DACH2: variants seen among roughly 807,000 people sequenced by gnomAD.
The protein encoded by DACH2 is dachshund family transcription factor 2, also known as dachshund homolog 2.
A neutral mutation model predicts 35.8 loss-of-function variants in DACH2; 17 were observed. The observed-to-expected ratio is 0.48, with a 90% confidence interval of 0.33 to 0.71. The LOEUF is 0.71. Among genes scored for constraint, DACH2 ranks in the 30% least tolerant of loss-of-function variants. The probability of loss-of-function intolerance (pLI) is 0.02; values close to 1 mark genes in which losing one functional copy is unlikely to be tolerated. For synonymous variants in DACH2, 195 were observed against 177.3 expected, an observed-to-expected ratio of 1.10 and a Z score of -0.79; for missense variants, 469 against 472.7, an observed-to-expected ratio of 0.99 and a Z score of 0.07.
At chrX:86,437,043 A>G (rs1416564656) in intron 2 of DACH2, among the ~76,000 whole-genome samples, 1 of 111,163 alleles carries the variant, frequency 9.0e-6, no homozygotes, top group Non-Finnish European at 1.9e-5. Flanking sequence ...TTTTATTCTT[A>G]GGTATCCTGG....
intron 4 of DACH2, among the ~76,000 whole-genome samples, chrX:86,694,328 T>C (rs902495666): frequency 8.9e-6 from 1 of 112,551 alleles, no homozygotes; most frequent in African/African-American, 3.2e-5. Context: ...TTGTTTTCCA[T>C]ATGGTTTTAA....
chrX:86,527,062 G>A (rs1271683432), intron 3 of DACH2, among the ~76,000 whole-genome samples: 1 of 110,933 alleles, frequency 9.0e-6, no homozygotes, highest in Non-Finnish European at 1.9e-5. Context: ...AAATTGAGGT[G>A]AGGGTAAGAA....
chrX:86,437,337 A>G (rs1028716907), intron 2 of DACH2, among the ~76,000 whole-genome samples: 4 of 111,549 alleles, frequency 3.6e-5, no homozygotes, highest in Non-Finnish European at 5.7e-5. Context: ...TATACAATAC[A>G]TTGTTGCTAA....
At chrX:86,478,730 A>G (rs1375587125) in intron 2 of DACH2, among the ~76,000 whole-genome samples, 2 of 108,743 alleles carry the variant, frequency 1.8e-5, no homozygotes, top group African/African-American at 6.7e-5. Context: ...TAGGGGGAGC[A>G]GACAGCCAGG....
intron 1 of DACH2, among the ~76,000 whole-genome samples, chrX:86,170,376 G>T (rs1431574973): frequency 2.7e-5 from 3 of 111,281 alleles, no homozygotes; most frequent in Non-Finnish European, 3.8e-5. Flanking sequence ...AGGCCCTAGG[G>T]TTCTACATTC....
At chrX:86,719,658 G>C (rs991335317) in intron 6 of DACH2, among the ~76,000 whole-genome samples, 1 of 111,313 alleles carries the variant, frequency 9.0e-6, no homozygotes, top group African/African-American at 3.3e-5. Flanking sequence ...GCCAACAGGG[G>C]AAATGCCAGA....
chrX:86,418,670 G>T (rs939557477), intron 2 of DACH2, among the ~76,000 whole-genome samples: 3 of 110,934 alleles, frequency 2.7e-5, no homozygotes, highest in Non-Finnish European at 5.7e-5. Context: ...AAGGCCTCTT[G>T]GTCTGCGATG....
intron 3 of DACH2, among the ~76,000 whole-genome samples, chrX:86,581,946 A>G (rs1260822579): frequency 8.9e-6 from 1 of 111,924 alleles, no homozygotes. Flanking sequence ...ACAGACTCTA[A>G]AATTGACCAT....
intron 1 of DACH2, among the ~76,000 whole-genome samples, chrX:86,297,381 G>T (rs1241046748): frequency 9.0e-6 from 1 of 111,305 alleles, no homozygotes; most frequent in Non-Finnish European, 1.9e-5. Flanking sequence ...CAGTTGCAGT[G>T]GTGTGTGAGC....
chrX:86,702,043 T>C (rs1443410974), intron 5 of DACH2, among the ~76,000 whole-genome samples: 1 of 111,638 alleles, frequency 9.0e-6, no homozygotes, highest in Non-Finnish European at 1.9e-5. Flanking sequence ...TCTCAATAAG[T>C]TTTTTAAAAA....
At chrX:86,341,746 T>G in intron 1 of DACH2, among the ~76,000 whole-genome samples, 1 of 112,344 alleles carries the variant, frequency 8.9e-6, no homozygotes, top group Admixed American at 9.5e-5. Flanking sequence ...GGTCAATATA[T>G]CAACATCAAC....
chrX:86,688,966 C>T (rs767013678), intron 4 of DACH2, among the ~76,000 whole-genome samples: 1 of 111,266 alleles, frequency 9.0e-6, no homozygotes, highest in Admixed American at 9.6e-5. Context: ...ATTTAAATAG[C>T]CACAGGTGAC....
In DACH2 at chrX:86,524,992, T is replaced by G. The variant is rs180839312; in HGVS notation, c.640+10601T>G. Among the ~76,000 whole-genome samples, 8 of 112,027 alleles carry G rather than the reference T, an allele frequency of 7.1e-5. No homozygotes were observed. The East Asian group carries it at 2.0e-3, about 27-fold the overall frequency. On this transcript the variant is annotated intron_variant, in intron 3 of 11. Transcript: ENST00000373125. ...GAACTATTTTCAATTGTTTCTCATTTGATCCTCTCAGCAATCTGGTGAGGT... is the reference window on the plus strand; with the variant it reads ...GAACTATTTTCAATTGTTTCTCATTGGATCCTCTCAGCAATCTGGTGAGGT...
chrX:86,652,611 A>G (rs766001943), intron 4 of DACH2, among the ~76,000 whole-genome samples: 2 of 111,572 alleles, frequency 1.8e-5, no homozygotes, highest in Non-Finnish European at 3.8e-5. Context: ...CAGAATCTCT[A>G]TTTTTTGACT....
At chrX:86,259,102 G>A (rs887975187) in intron 1 of DACH2, among the ~76,000 whole-genome samples, 12 of 111,928 alleles carry the variant, frequency 1.1e-4, no homozygotes, top group Non-Finnish European at 2.3e-4. Flanking sequence ...AAATTAAATA[G>A]CAATATTCTT....
chrX:86,551,365 G>C (rs2039046389), intron 3 of DACH2, among the ~76,000 whole-genome samples: 2 of 111,736 alleles, frequency 1.8e-5, no homozygotes, highest in Non-Finnish European at 3.8e-5. Flanking sequence ...AACTCATACA[G>C]AATACTGCTG....
At chrX:86,728,706 C>T (rs1239478598) in intron 6 of DACH2, among the ~76,000 whole-genome samples, 3 of 112,581 alleles carry the variant, frequency 2.7e-5, no homozygotes, top group African/African-American at 9.7e-5. Context: ...AGCCTCAGCT[C>T]AGAGGACCCC....
chrX:86,469,595 T>C (rs2037729839), intron 2 of DACH2, among the ~76,000 whole-genome samples: 1 of 111,127 alleles, frequency 9.0e-6, no homozygotes, highest in Non-Finnish European at 1.9e-5. Flanking sequence ...AAGATAGGTA[T>C]AAAGTGATAA....
chrX:86,469,369 G>C (rs775090861), intron 2 of DACH2, among the ~76,000 whole-genome samples: 1 of 111,041 alleles, frequency 9.0e-6, no homozygotes, highest in Non-Finnish European at 1.9e-5. Flanking sequence ...ACCACAAAAA[G>C]GATGTGAGGT....
Sources: gnomAD v4.1 joint callset for allele counts (sites outside exome capture counted in the v4.1 genomes callset) on GRCh38, gnomAD v4.1.1 for gene constraint, MANE v1.5 for transcripts, NCBI Gene and HGNC (gene_info 2026-07-23, HGNC 2026-07-21) for gene names.